Variants in CTNNA2 observed in about 807,000 individuals in gnomAD.
The protein encoded by CTNNA2 is catenin alpha-2.
Under a neutral mutation model 101.0 loss-of-function variants are expected in CTNNA2, and 42 were observed. That is an observed-to-expected ratio of 0.42 (90% CI 0.32 to 0.54). The LOEUF (loss-of-function observed/expected upper bound fraction) is 0.54. CTNNA2 is among the 20% of genes least tolerant of loss of function. The pLI, the probability that CTNNA2 is intolerant of heterozygous loss-of-function variation, is 0.14. For synonymous variants in CTNNA2, 450 were observed against 456.4 expected (o/e 0.99, Z 0.18); for missense variants, 871 against 1,223.1 (o/e 0.71, Z 4.29).
chr2:79,799,107 T>C (rs1675952196), intron 3 of CTNNA2, among the ~76,000 whole-genome samples: 1 of 152,092 alleles, frequency 6.6e-6, no homozygotes, highest in Non-Finnish European at 1.5e-5. Flanking sequence ...AGCTCCTGCC[T>C]ATAGTTTTGG....
chr2:80,162,757 G>C, intron 7 of CTNNA2: 1 of 1,600,274 alleles, frequency 6.2e-7, no homozygotes, highest in Non-Finnish European at 8.6e-7. Flanking sequence ...TGATCCAGAG[G>C]TGAAGAAGCA....
At chr2:80,533,704 A>C (rs1382621281) in intron 9 of CTNNA2, among the ~76,000 whole-genome samples, 5 of 152,192 alleles carry the variant, frequency 3.3e-5, no homozygotes, top group Non-Finnish European at 7.3e-5. Context: ...TATTCACTGG[A>C]AATAAGTTGA....
chr2:80,057,207 T>A (rs1260451508), intron 7 of CTNNA2, among the ~76,000 whole-genome samples: 1 of 147,682 alleles, frequency 6.8e-6, no homozygotes, highest in Non-Finnish European at 1.5e-5. Context: ...GACTGAGACA[T>A]AACTCTGTAG....
intron 2 of CTNNA2, among the ~76,000 whole-genome samples, chr2:79,250,023 T>G (rs1674749595): frequency 6.6e-6 from 1 of 152,336 alleles, no homozygotes; most frequent in Middle Eastern, 3.4e-3. Flanking sequence ...ACAAGGCTAA[T>G]GATGAAAATT....
intron 4 of CTNNA2, among the ~76,000 whole-genome samples, chr2:79,464,647 T>C (rs1393500559): frequency 6.6e-6 from 1 of 152,170 alleles, no homozygotes; most frequent in Non-Finnish European, 1.5e-5. Flanking sequence ...CAGCACCTGT[T>C]GTTTCCTGAC....
intron 9 of CTNNA2, among the ~76,000 whole-genome samples, chr2:80,513,438 G>A (rs534510056): frequency 6.6e-6 from 1 of 152,338 alleles, no homozygotes; most frequent in South Asian, 2.1e-4. Flanking sequence ...ACTACAAGAA[G>A]ACAAACACTC....
chr2:80,269,084 G>T (rs1673240158), intron 7 of CTNNA2, among the ~76,000 whole-genome samples: 1 of 152,166 alleles, frequency 6.6e-6, no homozygotes, highest in African/African-American at 2.4e-5. Flanking sequence ...TTAACAAATT[G>T]TATCATCCCA....
At chr2:80,589,860 CTGTGTGTGTGTGTGTGTGTGTGTGTG>C (rs59206973) in intron 15 of CTNNA2, among the ~76,000 whole-genome samples, 4 of 140,482 alleles carry the variant, frequency 2.8e-5, no homozygotes, top group South Asian at 2.3e-4. Context: ...ATATGTACCT[CTGTGTGTGTGTGTGTGTGTGTGTGTG>C]TGTGTGTGTG....
intron 1 of CTNNA2, among the ~76,000 whole-genome samples, chr2:79,544,266 T>A (rs1558716296): frequency 6.6e-6 from 1 of 152,106 alleles, no homozygotes. Context: ...ATGAATAGTG[T>A]GTAGTTGCAA....
intron 2 of CTNNA2, among the ~76,000 whole-genome samples, chr2:79,697,314 C>T (rs568851486): frequency 2.2e-4 from 33 of 152,024 alleles, no homozygotes; most frequent in East Asian, 3.9e-4. Flanking sequence ...TTTAAACTTC[C>T]GTGCATTAAA....
chr2:79,265,438 G>C (rs974137308), intron 2 of CTNNA2, among the ~76,000 whole-genome samples: 1 of 152,104 alleles, frequency 6.6e-6, no homozygotes, highest in African/African-American at 2.4e-5. Flanking sequence ...CATTGATTCA[G>C]AGAATGTTGT....
At chr2:79,886,532 A>G (rs916535969) in intron 6 of CTNNA2, among the ~76,000 whole-genome samples, 8 of 151,738 alleles carry the variant, frequency 5.3e-5, no homozygotes, top group African/African-American at 9.7e-5. Flanking sequence ...CGGGCGGATC[A>G]CGAGGTCAGG....
chr2:80,409,461 G>A (rs896120824), intron 8 of CTNNA2, among the ~76,000 whole-genome samples: 2 of 151,940 alleles, frequency 1.3e-5, no homozygotes, highest in Non-Finnish European at 2.9e-5. Context: ...CGTGTTGATC[G>A]CTGTAGCTTT....
chr2:80,228,408 A>G (rs1709012770), intron 7 of CTNNA2, among the ~76,000 whole-genome samples: 1 of 152,176 alleles, frequency 6.6e-6, no homozygotes, highest in African/African-American at 2.4e-5. Flanking sequence ...AATACCATTC[A>G]TGAGGTCTCT....
At chr2:79,466,557 T>A (rs564317744) in intron 4 of CTNNA2, among the ~76,000 whole-genome samples, 1 of 152,292 alleles carries the variant, frequency 6.6e-6, no homozygotes, top group East Asian at 1.9e-4. Context: ...AAGTTTGAGA[T>A]CTGAGAACGG....
At chr2:79,713,033 A>T (rs1685843819) in intron 2 of CTNNA2, among the ~76,000 whole-genome samples, 1 of 152,230 alleles carries the variant, frequency 6.6e-6, no homozygotes, top group Admixed American at 6.5e-5. Flanking sequence ...GGAAAAACTC[A>T]CTGGTATCCA....
intron 8 of CTNNA2, among the ~76,000 whole-genome samples, chr2:80,408,515 T>TC (rs1183855946): frequency 6.6e-6 from 1 of 152,184 alleles, no homozygotes; most frequent in Non-Finnish European, 1.5e-5. Flanking sequence ...ATTACAAGCT[T>TC]CCTAAAGGTC....
chr2:79,409,564 C>A (rs1678383292), intron 4 of CTNNA2, among the ~76,000 whole-genome samples: 1 of 150,948 alleles, frequency 6.6e-6, no homozygotes, highest in African/African-American at 2.4e-5. Flanking sequence ...GGAATCCTTT[C>A]CCCATTGCTT....
chr2:79,683,623 A>G (rs1318796787), intron 2 of CTNNA2, among the ~76,000 whole-genome samples: 5 of 152,202 alleles, frequency 3.3e-5, no homozygotes, highest in Admixed American at 6.5e-5. Flanking sequence ...ACTCTTTTAC[A>G]TTGTTAAGTG....
Sources: gnomAD v4.1 joint callset for allele counts (sites outside exome capture counted in the v4.1 genomes callset) on GRCh38, gnomAD v4.1.1 for gene constraint, MANE v1.5 for transcripts, NCBI Gene and HGNC (gene_info 2026-07-23, HGNC 2026-07-21) for gene names.